The following RRP8 variants were observed in gnomAD, a reference collection of about 807,000 sequenced individuals.
The protein encoded by RRP8 is ribosomal RNA-processing protein 8.
In RRP8, 48 loss-of-function variants were observed where a neutral mutation model predicts 45.0. The ratio of observed to expected loss-of-function variants is 1.07; its 90% CI spans 0.85 to 1.36. The LOEUF (loss-of-function observed/expected upper bound fraction) is 1.36. Ranked by LOEUF, RRP8 falls within the 40% of genes most tolerant of loss-of-function variation. The probability of loss-of-function intolerance (pLI) is 0.00; values close to 1 mark genes in which losing one functional copy is unlikely to be tolerated. For synonymous variants in RRP8, 274 were observed against 212.4 expected, an observed-to-expected ratio of 1.29 and a Z score of -2.52; for missense variants, 658 against 573.7, an observed-to-expected ratio of 1.15 and a Z score of -1.50.
Position 6,602,185 on chromosome 11 carries a change from A to G in RRP8, c.130T>C (p.Leu44=). The change falls in exon 2 of 7, where the codon TTA becomes CTA. Residue 44 remains leucine, a synonymous_variant. Transcript: ENST00000254605. ...AGAGATGCTGCCTCTAGGGCCCGTA[A>G]TGTGGCCAAGAGCTGGCGGCGCTTG... is the stretch of plus-strand genomic sequence containing the variant. The part of the protein sequence containing the change: ...GSKRRQLLAT[L]RALEAASLSQ... The G allele has an allele frequency of 6.3e-7, 1 of 1,585,012 alleles. No individual in the cohort carries two copies. The highest frequency in any genetic ancestry group is 8.6e-7 in the Non-Finnish European group (1 of 1,166,146).
rs1854238861 is a variant in RRP8, at chr11:6,597,019, A to ATT, written c.*3126_*3127insAA. On this transcript the variant is annotated 3_prime_UTR_variant, in exon 7 of 7. Coordinates refer to ENST00000254605, the MANE Select transcript of RRP8 (RefSeq NM_015324.4). ...GCAGCGAGGTTGTGATGTTCTTAATAGATAGTCCTGTGATCAGTTTAAGGA... is the reference window on the plus strand; with the variant it reads ...GCAGCGAGGTTGTGATGTTCTTAATATTGATAGTCCTGTGATCAGTTTAAGGA... 1 of 152,218 alleles carries ATT rather than the reference A, an allele frequency of 6.6e-6. No homozygotes were observed. The allele number at this position is 152,218 out of a possible 1,614,324, so 9.4% of individuals were successfully genotyped here.
rs376667586 is a variant in RRP8, at chr11:6,597,889, TAAA to T, written c.*2254_*2256del. On this transcript the variant is annotated 3_prime_UTR_variant, in exon 7 of 7. Transcript: ENST00000254605. ...TGGGCCACAGAGCAAGACTCTGTCTTAAAAAAAAAAAAAAAAAAAAATTAACTC... is the reference window on the plus strand; with the variant it reads ...TGGGCCACAGAGCAAGACTCTGTCTTAAAAAAAAAAAAAAAAAATTAACTC... The T allele has an allele frequency of 4.6e-5, 6 of 131,666 alleles. No individual in the cohort carries two copies. Among genetic ancestry groups the T allele is most frequent in the Admixed American group, 7.8e-5 (1 of 12,796 alleles). The allele number at this position is 131,666 out of a possible 1,614,324, so 8.2% of individuals were successfully genotyped here. A position where few individuals can be genotyped will look rare whatever the true frequency, so the allele number is the denominator to read the frequency against.
At position 6,595,303 on chromosome 11, in the gene RRP8, C is replaced by T. The variant is rs1277177080; in HGVS notation, c.*4843G>A. 1.3e-5 allele frequency: 2 copies of T among 151,990 alleles called. No homozygotes were observed. Among genetic ancestry groups the T allele is most frequent in the Non-Finnish European group, 2.9e-5 (2 of 68,014 alleles). 9.4% of individuals were successfully genotyped at this position (151,990 alleles called of 1,614,324 possible). A position where few individuals can be genotyped will look rare whatever the true frequency, so the allele number is the denominator to read the frequency against. On this transcript the variant is annotated 3_prime_UTR_variant, in exon 7 of 7. Transcript: ENST00000254605. ...AGTCATGTTATAGGGAATAATGGAA[C>T]GTATTTATACCAGAGTATTAACAAT...
rs777015819 is a variant in RRP8, at chr11:6,600,963, G to A, written c.1010C>T (p.Ser337Phe). ...RNPVHCFDLA[S>F]LDPRVTVCDM... ...ACACACAGTGACCCTAGGGTCCAGA[G>A]AAGCCAAGTCAAAGCAATGCACAGG... is the stretch of plus-strand genomic sequence containing the variant. Residue 337 changes from serine to phenylalanine, a missense_variant, in exon 4 of 7, where the codon TCT becomes TTT. Transcript: ENST00000254605. 43 of 1,614,178 alleles carry A rather than the reference G, an allele frequency of 2.7e-5. No homozygotes were observed. In the South Asian group the frequency reaches 4.6e-4, roughly 17 times the overall value.
intron 1 of RRP8, among the ~76,000 whole-genome samples, chr11:6,602,781 G>A (rs1221017754): frequency 6.6e-6 from 1 of 152,182 alleles, no homozygotes; most frequent in Non-Finnish European, 1.5e-5. Context: ...AAAGCCTGAG[G>A]AAGCAGGGCC....
chr11:6,602,033 CTTCTTCCCT>C lies in RRP8; in HGVS notation c.273_281del (p.Gly92_Lys94del), dbSNP rs764395356. The C allele has an allele frequency of 1.2e-6, 2 of 1,614,168 alleles. No individual in the cohort carries two copies. The highest frequency in any genetic ancestry group is 1.7e-6 in the Non-Finnish European group (2 of 1,180,000). On this transcript the variant is annotated inframe_deletion, in exon 2 of 7. Transcript: ENST00000254605. ...AAGGTGGGCCCTGTTTTTGACATTT[CTTCTTCCCT>C]TTCTTCCCTACTTCAGCAGAGGCAC...
rs983047537 is a variant in RRP8 at position 6,595,883 on chromosome 11, T to A, written c.*4263A>T. 5.9e-5 allele frequency: 9 copies of A among 152,342 alleles called. No homozygotes were observed. Among genetic ancestry groups the A allele is most frequent in the South Asian group, 2.1e-4 (1 of 4,828 alleles). 9.4% of individuals were successfully genotyped at this position (152,342 alleles called of 1,614,324 possible). A position where few individuals can be genotyped will look rare whatever the true frequency, so the allele number is the denominator to read the frequency against. On this transcript the variant is annotated 3_prime_UTR_variant, in exon 7 of 7. Transcript: ENST00000254605. ...GTTTATTTTCTTGTTCAAAGTCCAA[T>A]ATGGATGTTTTTGGTCAAGTAGCTA...
In RRP8 at chr11:6,599,267, T is replaced by C. The variant is rs936899656; in HGVS notation, c.*879A>G. On this transcript the variant is annotated 3_prime_UTR_variant, in exon 7 of 7. Transcript: ENST00000254605. ...GCTTACAACACATAATAGTCATAGCTAGTTTACTGAGCACCTCCTATGTTC... is the reference window on the plus strand; with the variant it reads ...GCTTACAACACATAATAGTCATAGCCAGTTTACTGAGCACCTCCTATGTTC... 1.3e-5 allele frequency: 2 copies of C among 152,246 alleles called. No individual in the cohort carries two copies. The highest frequency in any genetic ancestry group is 2.9e-5 in the Non-Finnish European group (2 of 68,048). The allele number at this position is 152,246 out of a possible 1,614,324, so 9.4% of individuals were successfully genotyped here.
chr11:6,603,562 C>A lies in RRP8; in HGVS notation c.-60G>T, dbSNP rs1506970. ...TCTTCTCCACGTGCACAGCGCTCCT[C>A]TGGAAGTCGGAGCGCTCAGACCTGC... is the stretch of plus-strand genomic sequence containing the variant. On this transcript the variant is annotated 5_prime_UTR_variant, in exon 1 of 7. Coordinates refer to ENST00000254605, the MANE Select transcript of RRP8 (RefSeq NM_015324.4). 3,678 of 1,180,134 alleles carry A rather than the reference C, an allele frequency of 3.1e-3. 88 individuals are homozygous for A. In the African/African-American group the frequency reaches 0.053, roughly 17 times the overall value. The allele number at this position is 1,180,134 out of a possible 1,614,324, so 73.1% of individuals were successfully genotyped here.
rs1249339205 is a variant in RRP8 at position 6,601,487 on chromosome 11, C to G, written c.579G>C (p.Lys193Asn). Reference protein sequence around the residue: ...LSRKQWRNRQKNKRRCKNKFQ... With the variant: ...LSRKQWRNRQNNKRRCKNKFQ... ...ACTTGTTCTTACATCTTCTCTTGTTCTTTTGCCGGTTCCGCCACTGCTTGC... is the reference window on the plus strand; with the variant it reads ...ACTTGTTCTTACATCTTCTCTTGTTGTTTTGCCGGTTCCGCCACTGCTTGC... Residue 193 changes from lysine (K) to asparagine (N), a missense_variant, in exon 3 of 7, where the codon AAG (lysine) becomes AAC (asparagine). Physicochemically the swap from Lys to Asn is moderately conservative, Grantham distance 94 (BLOSUM62 0). Coordinates refer to ENST00000254605, the MANE Select transcript of RRP8 (RefSeq NM_015324.4). 4 of 1,613,594 alleles carry G rather than the reference C, an allele frequency of 2.5e-6. No individual in the cohort carries two copies. In the South Asian group the frequency reaches 3.3e-5, roughly 13 times the overall value.
rs150400506 is a variant in RRP8, at chr11:6,603,442, T to C, written c.61A>G (p.Ile21Val). 3.7e-6 allele frequency: 6 copies of C among 1,605,578 alleles called. No homozygotes were observed. Among genetic ancestry groups the C allele is most frequent in the Non-Finnish European group, 5.1e-6 (6 of 1,177,038 alleles). The change falls in exon 1 of 7, where the codon ATC becomes GTC. Residue 21 changes from isoleucine (I) to valine (V), a missense_variant. Coordinates refer to ENST00000254605, the MANE Select transcript of RRP8 (RefSeq NM_015324.4). ...GAGGCCGCAGGCGGAGGTCGTGAGA[T>C]TACGGGCCCAAGGCCCGCGGCTACT... is the stretch of plus-strand genomic sequence containing the variant. ...APVAAGLGPVISRPPPAASSQ... is the reference protein window; with the variant it reads ...APVAAGLGPVVSRPPPAASSQ...
rs766876049 is a variant in RRP8 at position 6,600,994 on chromosome 11, G to A, written c.979C>T (p.Arg327Trp). The A allele has an allele frequency of 6.1e-5, 98 of 1,614,042 alleles. No homozygotes were observed. Among genetic ancestry groups the A allele is most frequent in the South Asian group, 3.0e-4 (27 of 91,076 alleles). The part of the protein sequence containing the change: ...CGDCRLASSI[R>W]NPVHCFDLAS... ...AAGTCAAAGCAATGCACAGGGTTCC[G>A]GATACTTGAAGCCAAGCGGCAATCC... The change falls in exon 4 of 7, where the codon CGG becomes TGG. Residue 327 changes from arginine (R) to tryptophan (W), a missense_variant. Arg to Trp is a moderately radical substitution (Grantham distance 101, BLOSUM62 -3). Coordinates refer to ENST00000254605, the MANE Select transcript of RRP8 (RefSeq NM_015324.4).
At chr11:6,600,633 C>A (rs778222789) in intron 5 of RRP8, 36 bp downstream of exon 5, 1 of 1,584,944 alleles carries the variant, frequency 6.3e-7, no homozygotes, top group Admixed American at 1.7e-5. Context: ...TGCATGCACA[C>A]ATACATACAT....
rs1486842993 is a variant in RRP8, at chr11:6,601,423, C to T, written c.643G>A (p.Ala215Thr). 1 of 1,614,164 alleles carries T rather than the reference C, an allele frequency of 6.2e-7. No homozygotes were observed. Among genetic ancestry groups the T allele is most frequent in the Non-Finnish European group, 8.5e-7 (1 of 1,180,036 alleles). ...PQVPDQAPAEAPTEKTEVSPV... is the reference protein window; with the variant it reads ...PQVPDQAPAETPTEKTEVSPV... Reference sequence around the variant, plus strand: ...GACACCTCTGTCTTCTCTGTGGGGGCCTCAGCTGGGGCCTGGTCTGGCACC... The same window carrying T: ...GACACCTCTGTCTTCTCTGTGGGGGTCTCAGCTGGGGCCTGGTCTGGCACC... Residue 215 changes from alanine to threonine, a missense_variant, in exon 3 of 7, where the codon GCC becomes ACC. By Grantham distance (58) the Ala-to-Thr change is moderately conservative. Transcript: ENST00000254605.
In RRP8 at chr11:6,602,126, G is replaced by C; in HGVS notation, c.189C>G (p.Asp63Glu). Reference protein sequence around the residue: ...SQHPPSLCISDSEEEEEERKK... With the variant: ...SQHPPSLCISESEEEEEERKK... Reference sequence around the variant, plus strand: ...TCCTTTCCTCCTCCTCCTCCTCAGAGTCACTTATACATAGGCTGGGGGGAT... The same window carrying C: ...TCCTTTCCTCCTCCTCCTCCTCAGACTCACTTATACATAGGCTGGGGGGAT... The change falls in exon 2 of 7, where the codon GAC becomes GAG. Residue 63 changes from aspartate (D) to glutamate (E), a missense_variant. Transcript: ENST00000254605. 6.2e-7 allele frequency: 1 copy of C among 1,612,562 alleles called. No homozygotes were observed. Among genetic ancestry groups the C allele is most frequent in the Non-Finnish European group, 8.5e-7 (1 of 1,179,108 alleles).
intron 4 of RRP8, 21 bp from the exon 5 acceptor site, chr11:6,600,796 G>C: frequency 6.2e-7 from 1 of 1,610,584 alleles, no homozygotes; most frequent in East Asian, 2.2e-5. Context: ...TGAGAGTGTT[G>C]TATAAGGCAC....
At chr11:6,601,809 C>A in intron 2 of RRP8, 43 bp downstream of exon 2, 3 of 1,533,120 alleles carry the variant, frequency 2.0e-6, no homozygotes, top group Non-Finnish European at 2.6e-6. Flanking sequence ...GACCCCCCGA[C>A]ACACACACAC....
rs1459104429 is a variant in RRP8 at position 6,603,481 on chromosome 11, C to A, written c.22G>T (p.Ala8Ser). The A allele has an allele frequency of 1.3e-6, 2 of 1,594,484 alleles. No homozygotes were observed. Among genetic ancestry groups the A allele is most frequent in the African/African-American group, 2.7e-5 (2 of 74,416 alleles). The change falls in exon 1 of 7, where the codon GCC (alanine) becomes TCC (serine). Residue 8 changes from alanine to serine, a missense_variant. By Grantham distance (99) the Ala-to-Ser change is moderately conservative. Coordinates refer to ENST00000254605, the MANE Select transcript of RRP8 (RefSeq NM_015324.4). Reference sequence around the variant, plus strand: ...CCCGCGGCTACTGGGGCCGCCTCGGCCCACTCAGGCTCTTCGAACATGAGG... The same window carrying A: ...CCCGCGGCTACTGGGGCCGCCTCGGACCACTCAGGCTCTTCGAACATGAGG... The part of the protein sequence containing the change: MFEEPEW[A>S]EAAPVAAGLG...
Position 6,601,857 on chromosome 11 carries a change from T to G in RRP8, c.458A>C (p.Gln153Pro). Residue 153 changes from glutamine (Q) to proline (P), a missense_variant, in exon 2 of 7, where the codon CAA becomes CCA. By Grantham distance (76) the Gln-to-Pro change is moderately conservative. Transcript: ENST00000254605. ...ATATACACATCCAATGGTACCTGTT[T>G]GGTCAACATTGTCCAGGTGCTGGGC... Reference protein sequence around the residue: ...NSAQHLDNVDQTGPKAWKGST... With the variant: ...NSAQHLDNVDPTGPKAWKGST... 1 of 1,609,058 alleles carries G rather than the reference T, an allele frequency of 6.2e-7. No individual in the cohort carries two copies. The highest frequency in any genetic ancestry group is 1.1e-5 in the South Asian group (1 of 90,622).
Sources: gnomAD v4.1 joint callset for allele counts (sites outside exome capture counted in the v4.1 genomes callset) on GRCh38, gnomAD v4.1.1 for gene constraint, MANE v1.5 for transcripts, NCBI Gene and HGNC (gene_info 2026-07-23, HGNC 2026-07-21) for gene names.